SNRPN: variants seen among roughly 807,000 people sequenced by gnomAD.
The protein encoded by SNRPN is small nuclear ribonucleoprotein-associated protein N.
Under a neutral mutation model 25.2 loss-of-function variants are expected in SNRPN, and 7 were observed. The observed-to-expected ratio is 0.28, with a 90% CI of 0.16 to 0.52. The LOEUF (loss-of-function observed/expected upper bound fraction) is 0.52. Ranked by LOEUF, SNRPN falls within the 20% of genes least tolerant of loss-of-function variation. SNRPN has a pLI of 0.96. For missense variants in SNRPN, 196 were observed against 322.5 expected, an observed-to-expected ratio of 0.61 and a Z score of 3.00; for synonymous variants, 124 against 110.6, an observed-to-expected ratio of 1.12 and a Z score of -0.76.
upstream of SNRPN, among the ~76,000 whole-genome samples, chr15:24,951,264 G>A (rs2062249118): frequency 1.3e-5 from 2 of 152,070 alleles, no homozygotes; most frequent in South Asian, 4.1e-4. Flanking sequence ...CACTGTGGCT[G>A]TGCTGTTTCA....
chr15:24,875,782 G>C (rs962930649), intron 1 of SNRPN, among the ~76,000 whole-genome samples: 3 of 152,156 alleles, frequency 2.0e-5, no homozygotes, highest in Middle Eastern at 3.4e-3. Context: ...GGCCGGGTGC[G>C]GTAGTTCATG....
Position 24,834,751 on chromosome 15 carries a change from C to CTATATATA in SNRPN, c.-579+4867_-579+4874dup, listed in dbSNP as rs796257838. On this transcript the variant is annotated intron_variant, in intron 2 of 12. Coordinates refer to the SNRPN transcript ENST00000400100. ...TCCCTCTCTCTCTCTCTCTCTCTCT[C>CTATATATA]TATATATATATATATATATATATAT... 8.4e-4 allele frequency among the ~76,000 whole-genome samples: 51 copies of CTATATATA among 60,952 alleles called. 1 individual carries two copies. The highest frequency in any genetic ancestry group is 1.5e-3 in the Non-Finnish European group (44 of 30,236). The allele number at this position is 60,952 out of a possible 152,430, so 40.0% of individuals were successfully genotyped here. A position where few individuals can be genotyped will look rare whatever the true frequency, so the allele number is the denominator to read the frequency against.
Position 24,883,509 on chromosome 15 carries a change from C to G in SNRPN, c.-578-3007C>G, listed in dbSNP as rs1436221981. 2.0e-5 allele frequency among the ~76,000 whole-genome samples: 3 copies of G among 152,292 alleles called. No individual in the cohort carries two copies. The East Asian group carries it at 5.8e-4, about 29-fold the overall frequency. ...CCACTCTTGACCACTGCACTCCAAC[C>G]TCTGTCCCTGCATCCTCCACCAGGC... On this transcript the variant is annotated intron_variant, in intron 1 of 11. Transcript: ENST00000400097.
At chr15:24,869,771 T>C (rs1381312197) in intron 1 of SNRPN, among the ~76,000 whole-genome samples, 1 of 152,192 alleles carries the variant, frequency 6.6e-6, no homozygotes. Context: ...CTTTCTCCAC[T>C]TTCCCTGTTT....
chr15:24,907,291 G>A (rs2058865689), intron 2 of SNRPN, among the ~76,000 whole-genome samples: 2 of 152,154 alleles, frequency 1.3e-5, no homozygotes, highest in South Asian at 4.2e-4. Context: ...TCTAATGATG[G>A]TGCCCTCTCA....
intron 1 of SNRPN, among the ~76,000 whole-genome samples, chr15:24,958,151 C>T (rs1053392174): frequency 1.3e-5 from 2 of 152,192 alleles, no homozygotes; most frequent in African/African-American, 4.8e-5. Flanking sequence ...TATAGTTACT[C>T]TGTATCTTTA....
chr15:24,895,232 C>T (rs562846613), intron 2 of SNRPN, among the ~76,000 whole-genome samples: 1 of 152,266 alleles, frequency 6.6e-6, no homozygotes, highest in South Asian at 2.1e-4. Context: ...AGTCAAAAAG[C>T]CCTTCCCAGG....
At chr15:24,864,202 G>A (rs1307323563) in intron 1 of SNRPN, among the ~76,000 whole-genome samples, 2 of 137,182 alleles carry the variant, frequency 1.5e-5, no homozygotes, top group Non-Finnish European at 1.5e-5. Context: ...AATTTTTTTT[G>A]TATTTTTAGT....
upstream of SNRPN, among the ~76,000 whole-genome samples, chr15:24,952,700 G>A (rs1255410539): frequency 6.6e-6 from 1 of 152,140 alleles, no homozygotes; most frequent in African/African-American, 2.4e-5. Flanking sequence ...CAAGAAACTA[G>A]ATAAGTGCGA....
chr15:24,850,897 T>G (rs916591079), intron 2 of SNRPN: 1 of 152,086 alleles, frequency 6.6e-6, no homozygotes, highest in African/African-American at 2.4e-5. Context: ...TAGGAAACCA[T>G]ATCTGTGAGG....
upstream of SNRPN, among the ~76,000 whole-genome samples, chr15:24,853,696 G>A (rs1380748526): frequency 6.6e-6 from 1 of 152,050 alleles, no homozygotes; most frequent in African/African-American, 2.4e-5. Flanking sequence ...CCCAGCCATA[G>A]GTTTTCAAAA....
chr15:24,942,521 T>G (rs546318189), intron 3 of SNRPN: 7 of 152,320 alleles, frequency 4.6e-5, no homozygotes, highest in African/African-American at 1.7e-4. Context: ...TGCTATGAAG[T>G]GAGTTCCTTG....
intron 3 of SNRPN, among the ~76,000 whole-genome samples, chr15:24,928,269 T>G (rs1384793015): frequency 2.0e-5 from 3 of 152,160 alleles, no homozygotes; most frequent in Admixed American, 6.6e-5. Context: ...AAGAGAGAGC[T>G]GCACTCTTGT....
rs1040301819 is a variant in SNRPN, at chr15:24,833,132, G to C, written c.-579+3227G>C. Reference sequence around the variant, plus strand: ...AAAAAAAAAAAAAAAAAAAAAAAAAGATGATGGAAACAGAGTAGAAATGAT... The same window carrying C: ...AAAAAAAAAAAAAAAAAAAAAAAAACATGATGGAAACAGAGTAGAAATGAT... On this transcript the variant is annotated intron_variant, in intron 2 of 12. Coordinates refer to the SNRPN transcript ENST00000400100. 5.5e-4 allele frequency among the ~76,000 whole-genome samples: 57 copies of C among 103,556 alleles called. 1 individual carries two copies. Among genetic ancestry groups the C allele is most frequent in the African/African-American group, 1.9e-3 (55 of 28,426 alleles). The allele number at this position is 103,556 out of a possible 152,430, so 67.9% of individuals were successfully genotyped here.
chr15:24,963,825 A>C (rs1227657666), intron 2 of SNRPN, among the ~76,000 whole-genome samples: 1 of 152,024 alleles, frequency 6.6e-6, no homozygotes, highest in Non-Finnish European at 1.5e-5. Flanking sequence ...ACTTGAGCCC[A>C]GGAGGTGGAG....
At chr15:24,874,174 G>A (rs112534533) in intron 1 of SNRPN, among the ~76,000 whole-genome samples, 1 of 151,806 alleles carries the variant, frequency 6.6e-6, no homozygotes. Flanking sequence ...GCCGGGCGTG[G>A]TGGCAGGCGC....
intron 2 of SNRPN, among the ~76,000 whole-genome samples, chr15:24,846,560 T>C (rs1372735106): frequency 6.6e-6 from 1 of 152,174 alleles, no homozygotes; most frequent in Non-Finnish European, 1.5e-5. Flanking sequence ...ATTTAAATAG[T>C]CATAGAAGGA....
intron 1 of SNRPN, among the ~76,000 whole-genome samples, chr15:24,875,152 T>C (rs2055728861): frequency 6.6e-6 from 1 of 152,218 alleles, no homozygotes; most frequent in African/African-American, 2.4e-5. Context: ...TCATGTTTAG[T>C]ATAGATGTGC....
chr15:24,977,047 G>C lies in SNRPN; in HGVS notation c.420+18G>C. On this transcript the variant is annotated intron_variant, in intron 7 of 9. Coordinates refer to ENST00000390687, the MANE Select transcript of SNRPN (RefSeq NM_003097.6). ...CCCAGCAGGTGAGGAACCAGCAGAG[G>C]GTTTTATATTATTGGGAGAATATGA... 1 of 1,541,096 alleles carries C rather than the reference G, an allele frequency of 6.5e-7. No homozygotes were observed. The highest frequency in any genetic ancestry group is 8.7e-7 in the Non-Finnish European group (1 of 1,147,668).
Sources: allele counts gnomAD v4.1 joint callset (sites outside exome capture counted in the v4.1 genomes callset), GRCh38; gene constraint gnomAD v4.1.1; transcripts MANE v1.5; gene names NCBI Gene and HGNC (gene_info 2026-07-23, HGNC 2026-07-21).